Variants in IKZF1 observed in about 807,000 individuals in gnomAD.
IKZF1 encodes IKAROS family zinc finger 1.
IKZF1 carries 10 observed loss-of-function variants against 51.7 expected under a neutral mutation model. The ratio of observed to expected loss-of-function variants is 0.19; its 90% CI spans 0.12 to 0.33. The LOEUF (loss-of-function observed/expected upper bound fraction) is 0.33, where lower values mean the gene tolerates loss of function less well. Among genes scored for constraint, IKZF1 ranks in the 10% least tolerant of loss-of-function variants. The pLI is 1.00. For synonymous variants in IKZF1, 280 were observed against 282.3 expected (o/e 0.99, Z 0.08); for missense variants, 484 against 707.5 (o/e 0.68, Z 3.58).
At chr7:50,393,085 G>A (rs1331437514) in intron 7 of IKZF1, among the ~76,000 whole-genome samples, 1 of 152,092 alleles carries the variant, frequency 6.6e-6, no homozygotes, top group Non-Finnish European at 1.5e-5. Context: ...AAGACAGCAA[G>A]TACCAAAAAA....
chr7:50,315,696 C>G (rs1791387233), intron 1 of IKZF1, among the ~76,000 whole-genome samples: 1 of 152,214 alleles, frequency 6.6e-6, no homozygotes, highest in South Asian at 2.1e-4. Context: ...TCTGGCATCT[C>G]CCTTTACAGA....
chr7:50,348,655 T>G (rs190700886), intron 3 of IKZF1, among the ~76,000 whole-genome samples: 1 of 152,304 alleles, frequency 6.6e-6, no homozygotes, highest in East Asian at 1.9e-4. Flanking sequence ...TGCCAGATAT[T>G]GTTAAGTCAG....
chr7:50,309,684 T>G (rs1789687626), intron 1 of IKZF1, among the ~76,000 whole-genome samples: 1 of 152,268 alleles, frequency 6.6e-6, no homozygotes, highest in Non-Finnish European at 1.5e-5. Flanking sequence ...AGTCCTGTTC[T>G]GAAGCTAGGA....
At chr7:50,348,184 A>G (rs1313545199) in intron 3 of IKZF1, among the ~76,000 whole-genome samples, 1 of 152,236 alleles carries the variant, frequency 6.6e-6, no homozygotes, top group Non-Finnish European at 1.5e-5. Context: ...TCAGTCAGCC[A>G]TACTGCATAA....
At chr7:50,308,463 G>C (rs1789345148) in intron 1 of IKZF1, among the ~76,000 whole-genome samples, 1 of 152,204 alleles carries the variant, frequency 6.6e-6, no homozygotes, top group Non-Finnish European at 1.5e-5. Context: ...TGTCTTGCCT[G>C]TTAACAGGCC....
intron 3 of IKZF1, chr7:50,369,366 T>A: frequency 2.5e-6 from 1 of 394,968 alleles, no homozygotes; most frequent in Non-Finnish European, 4.5e-6. Context: ...AAGCCTTCAG[T>A]CTGTAAGAAT....
At position 50,401,514 on chromosome 7, in the gene IKZF1, T is replaced by A. The variant is rs1818124756; in HGVS notation, c.*887T>A. ...TTAAACACCAGTCCCGAAATTTGGA[T>A]CTTCTTTCTTTTTGAATCTCTCAAA... On this transcript the variant is annotated 3_prime_UTR_variant, in exon 8 of 8. Transcript: ENST00000331340. 4.5e-6 allele frequency: 1 copy of A among 223,718 alleles called. No homozygotes were observed. Among genetic ancestry groups the A allele is most frequent in the African/African-American group, 2.2e-5 (1 of 44,790 alleles). 13.9% of individuals were successfully genotyped at this position (223,718 alleles called of 1,614,324 possible). A position where few individuals can be genotyped will look rare whatever the true frequency, so the allele number is the denominator to read the frequency against.
At chr7:50,308,638 C>G (rs1220593423) in intron 1 of IKZF1, 1 of 152,220 alleles carries the variant, frequency 6.6e-6, no homozygotes, top group African/African-American at 2.4e-5. Context: ...CCCTTCCTGT[C>G]TGTGTTTTCC....
chr7:50,353,465 G>T (rs755900725), intron 3 of IKZF1, among the ~76,000 whole-genome samples: 16 of 152,200 alleles, frequency 1.1e-4, no homozygotes, highest in Non-Finnish European at 1.9e-4. Context: ...TGAGGGAGAA[G>T]AGAAAAAGAA....
intron 3 of IKZF1, among the ~76,000 whole-genome samples, chr7:50,340,508 C>A (rs1793657474): frequency 6.6e-6 from 1 of 152,226 alleles, no homozygotes; most frequent in Admixed American, 6.5e-5. Flanking sequence ...TGTGGCTGTT[C>A]TCTTTTTCAG....
intron 1 of IKZF1, among the ~76,000 whole-genome samples, chr7:50,309,344 A>G (rs1402700906): frequency 6.6e-6 from 1 of 152,142 alleles, no homozygotes; most frequent in East Asian, 1.9e-4. Context: ...ATGCAGTAAA[A>G]AGAGGGGATC....
At chr7:50,363,622 G>A (rs969549352) in intron 3 of IKZF1, among the ~76,000 whole-genome samples, 1 of 152,218 alleles carries the variant, frequency 6.6e-6, no homozygotes, top group Non-Finnish European at 1.5e-5. Flanking sequence ...CCTTCCTTGA[G>A]TGTGCATGTG....
intron 3 of IKZF1, among the ~76,000 whole-genome samples, chr7:50,370,522 C>A (rs942774691): frequency 1.3e-5 from 2 of 152,206 alleles, no homozygotes; most frequent in Non-Finnish European, 2.9e-5. Context: ...TCTCTTAGTA[C>A]TGTTGGGTGC....
chr7:50,337,876 A>G (rs1199109842), intron 3 of IKZF1, among the ~76,000 whole-genome samples: 2 of 152,308 alleles, frequency 1.3e-5, no homozygotes, highest in East Asian at 1.9e-4. Context: ...AAGTGGTACC[A>G]TGGTGATTGT....
chr7:50,331,426 A>G (rs960361750), intron 3 of IKZF1, among the ~76,000 whole-genome samples: 3,011 of 150,310 alleles, frequency 0.02, 106 homozygotes, highest in African/African-American at 0.07. Flanking sequence ...AATGGTGAGA[A>G]GCTAAAAGAT....
At chr7:50,383,308 G>A (rs755650021) in intron 5 of IKZF1, among the ~76,000 whole-genome samples, 4 of 152,146 alleles carry the variant, frequency 2.6e-5, no homozygotes, top group Non-Finnish European at 5.9e-5. Flanking sequence ...GACAGTTAAA[G>A]TACAACCCAC....
chr7:50,398,287 C>G (rs1234236384), intron 7 of IKZF1, among the ~76,000 whole-genome samples: 1 of 152,188 alleles, frequency 6.6e-6, no homozygotes, highest in Non-Finnish European at 1.5e-5. Flanking sequence ...TCAAACCTTT[C>G]AGTGGTTTCC....
intron 5 of IKZF1, among the ~76,000 whole-genome samples, chr7:50,383,051 G>T (rs1812309331): frequency 6.6e-6 from 1 of 152,202 alleles, no homozygotes; most frequent in Non-Finnish European, 1.5e-5. Context: ...TTCACCAAGT[G>T]TACTGCTAAG....
chr7:50,340,283 A>C (rs892740117), intron 3 of IKZF1, among the ~76,000 whole-genome samples: 6 of 152,182 alleles, frequency 3.9e-5, no homozygotes, highest in African/African-American at 4.8e-5. Flanking sequence ...GATCTCAGAG[A>C]GACAGGTCTA....
Sources: gnomAD v4.1 joint callset for allele counts (sites outside exome capture counted in the v4.1 genomes callset) on GRCh38, gnomAD v4.1.1 for gene constraint, MANE v1.5 for transcripts, NCBI Gene and HGNC (gene_info 2026-07-23, HGNC 2026-07-21) for gene names.